PLEKHD1: variants seen among roughly 807,000 people sequenced by gnomAD.
The protein encoded by PLEKHD1 is pleckstrin homology domain-containing family D member 1.
PLEKHD1 carries 51 observed loss-of-function variants against 69.2 expected under a neutral mutation model. The observed-to-expected ratio is 0.74, with a 90% CI of 0.59 to 0.93. The LOEUF is 0.93. Among genes scored for constraint, PLEKHD1 ranks in the 40% least tolerant of loss-of-function variants. The probability of loss-of-function intolerance (pLI) is 0.00; values close to 1 mark genes in which losing one functional copy is unlikely to be tolerated. For missense variants in PLEKHD1, 584 were observed against 641.0 expected, an observed-to-expected ratio of 0.91 and a Z score of 0.96; for synonymous variants, 236 against 244.7, an observed-to-expected ratio of 0.96 and a Z score of 0.33.
At chr14:69,492,783 C>A (rs1311601511) in intron 1 of PLEKHD1, among the ~76,000 whole-genome samples, 1 of 152,122 alleles carries the variant, frequency 6.6e-6, no homozygotes, top group East Asian at 1.9e-4. Flanking sequence ...TTTTTAGGGT[C>A]TTTTGAGACA....
the PLEKHD1 span, among the ~76,000 whole-genome samples, chr14:69,475,485 A>G: frequency 1.3e-5 from 2 of 152,090 alleles, no homozygotes; most frequent in Admixed American, 6.5e-5. Flanking sequence ...ACGCTTCTGC[A>G]TTGGCAACAT....
At chr14:69,524,587 C>T (rs1300025358) in intron 8 of PLEKHD1, among the ~76,000 whole-genome samples, 1 of 152,136 alleles carries the variant, frequency 6.6e-6, no homozygotes, top group Non-Finnish European at 1.5e-5. Context: ...TCAGGAAATC[C>T]ACCTCTGGTG....
chr14:69,524,020 A>G (rs1303566910), intron 7 of PLEKHD1, among the ~76,000 whole-genome samples: 2 of 152,144 alleles, frequency 1.3e-5, no homozygotes, highest in African/African-American at 4.8e-5. Flanking sequence ...ACCTGGAGCA[A>G]GTGACTCCAA....
intron 6 of PLEKHD1, 100 bp downstream of exon 6, chr14:69,502,979 C>A: frequency 7.0e-7 from 1 of 1,426,742 alleles, no homozygotes; most frequent in Non-Finnish European, 9.6e-7. Flanking sequence ...AGAGGACTTG[C>A]TAGAAGATCA....
intron 1 of PLEKHD1, among the ~76,000 whole-genome samples, chr14:69,495,174 G>A (rs890678358): frequency 1.3e-5 from 2 of 152,148 alleles, no homozygotes; most frequent in Non-Finnish European, 2.9e-5. Flanking sequence ...TCAGAAGCAC[G>A]AGGAGAAGAA....
intron 1 of PLEKHD1, among the ~76,000 whole-genome samples, chr14:69,487,182 A>AACACAC (rs199671230): frequency 0.076 from 10,665 of 140,324 alleles, 462 homozygotes; most frequent in East Asian, 0.096. Flanking sequence ...GGGAATACAC[A>AACACAC]ACACACACAC....
intron 1 of PLEKHD1, among the ~76,000 whole-genome samples, chr14:69,492,899 A>G (rs371071109): frequency 6.6e-6 from 1 of 152,112 alleles, no homozygotes; most frequent in Non-Finnish European, 1.5e-5. Context: ...CCTCCCAAGT[A>G]GCTAGGACCA....
chr14:69,479,051 T>C, the PLEKHD1 span, among the ~76,000 whole-genome samples: 1 of 152,208 alleles, frequency 6.6e-6, no homozygotes. Context: ...TTATTGGACT[T>C]ACAGTTCCAT....
At chr14:69,502,260 G>A (rs1883045594) in intron 5 of PLEKHD1, 1 of 180,540 alleles carries the variant, frequency 5.5e-6, no homozygotes, top group African/African-American at 2.4e-5. Flanking sequence ...ATCCTATCCT[G>A]GGTCCCCAGG....
chr14:69,472,496 C>A, the PLEKHD1 span, among the ~76,000 whole-genome samples: 2 of 152,212 alleles, frequency 1.3e-5, no homozygotes, highest in Admixed American at 1.3e-4. Context: ...ACGTTAATCA[C>A]CGTGTCATGT....
intron 7 of PLEKHD1, among the ~76,000 whole-genome samples, chr14:69,523,093 T>C (rs1159319756): frequency 2.0e-5 from 3 of 152,086 alleles, no homozygotes; most frequent in Middle Eastern, 3.2e-3. Context: ...CCACCATGCT[T>C]GGCTAATTTT....
At chr14:69,498,288 AG>A (rs1349758024) in intron 1 of PLEKHD1, among the ~76,000 whole-genome samples, 1 of 151,884 alleles carries the variant, frequency 6.6e-6, no homozygotes. Context: ...CATTTTCACC[AG>A]GCTTGTCTCA....
intron 9 of PLEKHD1, 44 bp downstream of exon 9, chr14:69,526,166 C>G (rs1436001643): frequency 1.3e-5 from 20 of 1,498,596 alleles, no homozygotes; most frequent in Non-Finnish European, 1.8e-5. Context: ...ACTTTGGGGT[C>G]TGGGGACTTT....
chr14:69,481,391 C>T (rs756131709), upstream of PLEKHD1, among the ~76,000 whole-genome samples: 11 of 152,150 alleles, frequency 7.2e-5, no homozygotes, highest in Non-Finnish European at 1.2e-4. Context: ...CTGTAGCACT[C>T]GTAGAATTGC....
At chr14:69,472,545 G>A in the PLEKHD1 span, among the ~76,000 whole-genome samples, 3 of 152,136 alleles carry the variant, frequency 2.0e-5, no homozygotes, top group African/African-American at 4.8e-5. Flanking sequence ...GCAATGTTTC[G>A]GTCAATGATG....
intron 8 of PLEKHD1, among the ~76,000 whole-genome samples, chr14:69,525,006 C>A (rs1205144958): frequency 6.6e-5 from 10 of 152,132 alleles, no homozygotes; most frequent in Non-Finnish European, 2.9e-5. Flanking sequence ...ATCATTTCCA[C>A]CTTTTCTCTG....
intron 4 of PLEKHD1, 105 bp downstream of exon 4, chr14:69,501,052 C>G: frequency 8.2e-7 from 1 of 1,217,414 alleles, no homozygotes; most frequent in Non-Finnish European, 1.2e-6. Flanking sequence ...GGGCACAGGG[C>G]CAGGGCTGTG....
intron 1 of PLEKHD1, among the ~76,000 whole-genome samples, chr14:69,498,582 T>C (rs1316219382): frequency 6.7e-6 from 1 of 148,234 alleles, no homozygotes; most frequent in East Asian, 2.0e-4. Flanking sequence ...CAAGGTTTCT[T>C]TTTGTTTTCT....
intron 6 of PLEKHD1, among the ~76,000 whole-genome samples, chr14:69,508,860 C>T (rs1002556551): frequency 3.3e-5 from 5 of 152,182 alleles, no homozygotes; most frequent in African/African-American, 1.2e-4. Flanking sequence ...ACTAGATTCT[C>T]AACAGGTAAC....
Sources: allele counts gnomAD v4.1 joint callset (sites outside exome capture counted in the v4.1 genomes callset), GRCh38; gene constraint gnomAD v4.1.1; transcripts MANE v1.5; gene names NCBI Gene and HGNC (gene_info 2026-07-23, HGNC 2026-07-21).